CAMTA1: variants seen among roughly 807,000 people sequenced by gnomAD.
CAMTA1 encodes the protein calmodulin binding transcription activator 1, also known as calmodulin-binding transcription activator 1.
A neutral mutation model predicts 170.9 loss-of-function variants in CAMTA1; 27 were observed. That is an observed-to-expected ratio of 0.16 (90% CI 0.12 to 0.22). The LOEUF is 0.22. Ranked by LOEUF, CAMTA1 falls within the 10% of genes least tolerant of loss-of-function variation. The pLI, the probability that CAMTA1 is intolerant of heterozygous loss-of-function variation, is 1.00. For synonymous variants in CAMTA1, 833 were observed against 891.5 expected (o/e 0.93, Z 1.17); for missense variants, 1,619 against 2,217.2 (o/e 0.73, Z 5.42).
chr1:7,699,929 C>A (rs898855875), intron 11 of CAMTA1, among the ~76,000 whole-genome samples: 1 of 152,116 alleles, frequency 6.6e-6, no homozygotes, highest in African/African-American at 2.4e-5. Flanking sequence ...AGATACAAGT[C>A]CCTTATGAAA....
intron 7 of CAMTA1, among the ~76,000 whole-genome samples, chr1:7,645,697 G>A (rs1055192772): frequency 9.2e-5 from 14 of 152,254 alleles, no homozygotes; most frequent in Non-Finnish European, 1.9e-4. Context: ...CCAGAGCTCC[G>A]CTGGCATCAG....
Position 7,286,923 on chromosome 1 carries a change from G to A in CAMTA1, c.438+37297G>A, listed in dbSNP as rs1023403862. 1.3e-5 allele frequency among the ~76,000 whole-genome samples: 2 copies of A among 152,104 alleles called. No individual in the cohort carries two copies. Among genetic ancestry groups the A allele is most frequent in the Admixed American group, 6.6e-5 (1 of 15,266 alleles). ...AGAGTTTAGCTCAGTGCCTTCCATC[G>A]ACTTGACACTCAGTAAACAGAAGCT... On this transcript the variant is annotated intron_variant, in intron 5 of 22. Transcript: ENST00000303635. The surrounding 1 kb of genome is among the most constrained non-coding windows in gnomAD (Gnocchi z 4.2).
chr1:7,065,571 C>A lies in CAMTA1; in HGVS notation c.235-25733C>A, dbSNP rs768133342. ...AGGGGACAGGAGATGGGATCCAGGG[C>A]GCAGCTGGAGGGATTCTACCTGGAG... On this transcript the variant is annotated intron_variant, in intron 3 of 22. Coordinates refer to ENST00000303635, the MANE Select transcript of CAMTA1 (RefSeq NM_015215.4). The surrounding 1 kb of genome is among the most constrained non-coding windows in gnomAD (Gnocchi z 5.2). 6.6e-6 allele frequency among the ~76,000 whole-genome samples: 1 copy of A among 151,976 alleles called. No homozygotes were observed. The highest frequency in any genetic ancestry group is 2.1e-4 in the South Asian group (1 of 4,806).
At chr1:7,512,723 G>T (rs2094219044) in intron 6 of CAMTA1, among the ~76,000 whole-genome samples, 1 of 152,328 alleles carries the variant, frequency 6.6e-6, no homozygotes, top group East Asian at 1.9e-4. Context: ...GAGTGGGGAA[G>T]GAAGCAATAC....
At chr1:7,422,697 G>A (rs4908637) in intron 5 of CAMTA1, among the ~76,000 whole-genome samples, 8,400 of 152,230 alleles carry the variant, frequency 0.055, 449 homozygotes, top group East Asian at 0.28. Flanking sequence ...GGGCCAGGCT[G>A]TGAACGCTGC....
intron 6 of CAMTA1, among the ~76,000 whole-genome samples, chr1:7,501,943 C>G (rs2094012339): frequency 6.6e-6 from 1 of 152,192 alleles, no homozygotes; most frequent in Non-Finnish European, 1.5e-5. Flanking sequence ...CTTTGGGACC[C>G]CTGGTGTTTG....
At chr1:7,568,534 A>C in intron 6 of CAMTA1, among the ~76,000 whole-genome samples, 1 of 149,436 alleles carries the variant, frequency 6.7e-6, no homozygotes, top group Non-Finnish European at 1.5e-5. Flanking sequence ...CATCATCAGC[A>C]TCACCATCAT....
intron 1 of CAMTA1, among the ~76,000 whole-genome samples, chr1:6,797,397 T>G (rs1041074073): frequency 3.3e-5 from 5 of 151,622 alleles, no homozygotes; most frequent in Non-Finnish European, 5.9e-5. Flanking sequence ...TGGGTTTTTT[T>G]TTTTTTGAGA....
intron 4 of CAMTA1, among the ~76,000 whole-genome samples, chr1:7,165,522 C>T (rs1463903107): frequency 1.3e-5 from 2 of 151,922 alleles, no homozygotes; most frequent in Non-Finnish European, 2.9e-5. Context: ...ACTTCTGCCT[C>T]GCAGGTTCAA....
rs1000710817 is a variant in CAMTA1 at position 7,010,126 on chromosome 1, G to A, written c.235-81178G>A. 3.3e-5 allele frequency among the ~76,000 whole-genome samples: 5 copies of A among 152,204 alleles called. No individual in the cohort carries two copies. Among genetic ancestry groups the A allele is most frequent in the African/African-American group, 7.2e-5 (3 of 41,448 alleles). ...ATTTGGATTTGTCCCCAGGACAGACGTCCTTGGGTCTTACCAGGAACCATG... is the reference window on the plus strand; with the variant it reads ...ATTTGGATTTGTCCCCAGGACAGACATCCTTGGGTCTTACCAGGAACCATG... On this transcript the variant is annotated intron_variant, in intron 3 of 22. Coordinates refer to ENST00000303635, the MANE Select transcript of CAMTA1 (RefSeq NM_015215.4). This position sits in a 1 kb window ranked among gnomAD's most constrained non-coding sequence, Gnocchi z 4.4.
chr1:7,044,692 G>T lies in CAMTA1; in HGVS notation c.235-46612G>T, dbSNP rs1019514797. Among the ~76,000 whole-genome samples, 1 of 147,704 alleles carries T rather than the reference G, an allele frequency of 6.8e-6. No individual in the cohort carries two copies. The highest frequency in any genetic ancestry group is 2.6e-5 in the African/African-American group (1 of 38,162). ...AGGAAGCCTGTCCCTCCCCTCTCTG[G>T]GCGACCTTCCGAGGAGGCATCAGCT... On this transcript the variant is annotated intron_variant, in intron 3 of 22. Transcript: ENST00000303635. This position sits in a 1 kb window ranked among gnomAD's most constrained non-coding sequence, Gnocchi z 5.0.
intron 18 of CAMTA1, among the ~76,000 whole-genome samples, chr1:7,747,030 A>C (rs2096862102): frequency 6.6e-6 from 1 of 152,254 alleles, no homozygotes; most frequent in Non-Finnish European, 1.5e-5. Flanking sequence ...TTTTAATTAA[A>C]GTTATTAATG....
intron 1 of CAMTA1, among the ~76,000 whole-genome samples, chr1:6,818,677 C>T (rs1433960278): frequency 2.6e-5 from 4 of 152,252 alleles, no homozygotes; most frequent in Non-Finnish European, 5.9e-5. Flanking sequence ...TTCACTCTGT[C>T]ATCCAGGCGG....
At chr1:7,598,765 T>C (rs1218411813) in intron 6 of CAMTA1, among the ~76,000 whole-genome samples, 2 of 152,346 alleles carry the variant, frequency 1.3e-5, no homozygotes, top group East Asian at 1.9e-4. Context: ...TCATGTCCTT[T>C]GCCCACTTTT....
At chr1:7,467,083 G>A (rs771518344) in intron 5 of CAMTA1, among the ~76,000 whole-genome samples, 4 of 151,984 alleles carry the variant, frequency 2.6e-5, no homozygotes, top group Middle Eastern at 3.4e-3. Context: ...CCCACCCACT[G>A]GTCAACTCTG....
At chr1:7,180,219 T>C (rs907564459) in intron 4 of CAMTA1, among the ~76,000 whole-genome samples, 8 of 151,830 alleles carry the variant, frequency 5.3e-5, no homozygotes, top group Admixed American at 3.9e-4. Context: ...ATACAAAAAT[T>C]AGCTGAGCAT....
chr1:7,105,369 TG>T (rs1643470056), intron 4 of CAMTA1, among the ~76,000 whole-genome samples: 1 of 152,214 alleles, frequency 6.6e-6, no homozygotes, highest in African/African-American at 2.4e-5. Context: ...GCTTATCATC[TG>T]GAAAGGTATC....
At chr1:7,725,961 C>A (rs2096682718) in intron 11 of CAMTA1, among the ~76,000 whole-genome samples, 1 of 152,178 alleles carries the variant, frequency 6.6e-6, no homozygotes, top group South Asian at 2.1e-4. Flanking sequence ...GTGGGTCACA[C>A]ACAGACTCAC....
At chr1:6,829,164 A>G (rs1263452405) in intron 3 of CAMTA1, among the ~76,000 whole-genome samples, 1 of 152,102 alleles carries the variant, frequency 6.6e-6, no homozygotes, top group East Asian at 1.9e-4. Flanking sequence ...CAGCCTCCCA[A>G]GGTGCTGGGA....
Sources: allele counts gnomAD v4.1 joint callset (sites outside exome capture counted in the v4.1 genomes callset), GRCh38; gene constraint gnomAD v4.1.1; non-coding constraint Gnocchi (gnomAD v3.1); transcripts MANE v1.5; gene names NCBI Gene and HGNC (gene_info 2026-07-23, HGNC 2026-07-21).